DCLK2: variants seen among roughly 807,000 people sequenced by gnomAD.
DCLK2 encodes doublecortin like kinase 2, also known as serine/threonine-protein kinase DCLK2.
In DCLK2, 31 loss-of-function variants were observed where a neutral mutation model predicts 78.4. The observed-to-expected ratio is 0.40, with a 90% CI of 0.30 to 0.53. The LOEUF (loss-of-function observed/expected upper bound fraction) is 0.53. Ranked by LOEUF, DCLK2 falls within the 20% of genes least tolerant of loss-of-function variation. The pLI, the probability that DCLK2 is intolerant of heterozygous loss-of-function variation, is 0.61. For synonymous variants in DCLK2, 407 were observed against 374.9 expected (o/e 1.09, Z -0.99); for missense variants, 872 against 973.7 (o/e 0.90, Z 1.39).
chr4:150,175,992 A>G (rs1418159209), intron 2 of DCLK2, among the ~76,000 whole-genome samples: 2 of 152,188 alleles, frequency 1.3e-5, no homozygotes, highest in Admixed American at 6.5e-5. Flanking sequence ...AAATCGTGTA[A>G]GTTGCCCGAG....
intron 2 of DCLK2, among the ~76,000 whole-genome samples, chr4:150,104,703 G>A (rs1731134478): frequency 6.6e-6 from 1 of 151,714 alleles, no homozygotes; most frequent in Admixed American, 6.6e-5. Flanking sequence ...ATGTTGCAAA[G>A]GCCTTTGATA....
At chr4:150,183,798 A>G (rs2150286171) in intron 2 of DCLK2, among the ~76,000 whole-genome samples, 1 of 151,600 alleles carries the variant, frequency 6.6e-6, no homozygotes, top group East Asian at 1.9e-4. Flanking sequence ...CAGTGGCGCA[A>G]TCTTGGTTCA....
chr4:150,104,577 G>A (rs1032299269), intron 2 of DCLK2, among the ~76,000 whole-genome samples: 13 of 151,916 alleles, frequency 8.6e-5, no homozygotes, highest in Non-Finnish European at 1.6e-4. Flanking sequence ...AAACAATACA[G>A]TGTGATGAAT....
intron 1 of DCLK2, among the ~76,000 whole-genome samples, chr4:150,090,886 T>G (rs542162463): frequency 6.6e-6 from 1 of 152,298 alleles, no homozygotes; most frequent in Non-Finnish European, 1.5e-5. Flanking sequence ...TCTTATTTTG[T>G]GTCCCCAGCC....
At chr4:150,156,280 A>G (rs1195962549) in intron 2 of DCLK2, among the ~76,000 whole-genome samples, 1 of 152,066 alleles carries the variant, frequency 6.6e-6, no homozygotes, top group Non-Finnish European at 1.5e-5. Flanking sequence ...AGAAGGCAGG[A>G]GAAGGTGGAT....
chr4:150,250,123 T>C (rs553475751), intron 15 of DCLK2, among the ~76,000 whole-genome samples: 1 of 152,338 alleles, frequency 6.6e-6, no homozygotes, highest in South Asian at 2.1e-4. Flanking sequence ...CATATTTCAG[T>C]TTTAAAAAAT....
At chr4:150,175,862 C>G (rs973504670) in intron 2 of DCLK2, among the ~76,000 whole-genome samples, 2 of 152,148 alleles carry the variant, frequency 1.3e-5, no homozygotes, top group African/African-American at 4.8e-5. Context: ...TCTCTCCCCT[C>G]TCTGTACCGT....
intron 5 of DCLK2, among the ~76,000 whole-genome samples, chr4:150,217,996 C>A (rs946607530): frequency 6.6e-6 from 1 of 152,218 alleles, no homozygotes; most frequent in Non-Finnish European, 1.5e-5. Context: ...GTTAGGTACA[C>A]TTGAAAGTGG....
chr4:150,202,386 A>T (rs1361550100), intron 4 of DCLK2, among the ~76,000 whole-genome samples: 2 of 152,216 alleles, frequency 1.3e-5, no homozygotes, highest in Non-Finnish European at 2.9e-5. Flanking sequence ...GAGGGTTTTG[A>T]GTCAGAAAAA....
At position 150,102,484 on chromosome 4, in the gene DCLK2, G is replaced by A. The variant is rs1730954546; in HGVS notation, c.428G>A (p.Ser143Asn). The change falls in exon 2 of 16, where the codon AGT becomes AAT. Residue 143 changes from serine to asparagine, a missense_variant. Ser to Asn is a conservative substitution (Grantham distance 46, BLOSUM62 1). Transcript: ENST00000296550. ...ATCAAATTTTGCTTTTTAGGTGAGA[G>A]TTACGTGTGTGCATCCAATGAACCA... is the stretch of plus-strand genomic sequence containing the variant. ...TSLDELLEGE[S>N]YVCASNEPFR... is the part of the protein sequence containing the mutation. 6.2e-7 allele frequency: 1 copy of A among 1,612,364 alleles called. No homozygotes were observed. The highest frequency in any genetic ancestry group is 8.5e-7 in the Non-Finnish European group (1 of 1,178,660).
chr4:150,175,994 TTGCC>T (rs1737064227), intron 2 of DCLK2, among the ~76,000 whole-genome samples: 1 of 152,230 alleles, frequency 6.6e-6, no homozygotes, highest in Non-Finnish European at 1.5e-5. Flanking sequence ...ATCGTGTAAG[TTGCC>T]CGAGGCAACC....
chr4:150,239,478 G>A (rs1439842352), intron 10 of DCLK2, among the ~76,000 whole-genome samples: 1 of 151,986 alleles, frequency 6.6e-6, no homozygotes, highest in Non-Finnish European at 1.5e-5. Flanking sequence ...TGTACCTGTA[G>A]TTCCAGCTAC....
chr4:150,224,504 CA>C lies in DCLK2; in HGVS notation c.1246del (p.Thr416LeufsTer7). On this transcript the variant is annotated frameshift_variant, in exon 8 of 16. Coordinates refer to ENST00000296550, the MANE Select transcript of DCLK2 (RefSeq NM_001040260.4). LOFTEE classifies it high-confidence loss of function. Reference protein sequence around the residue: ...AVVKECIDRSTGKEFALKIID... With the variant: ...AVVKECIDRSXGKEFALKIID... ...TCTTCCTCTGATTATTCCATAGGTCCACTGGAAAGGAGTTTGCCCTAAAGAT... is the reference window on the plus strand; with the variant it reads ...TCTTCCTCTGATTATTCCATAGGTCCCTGGAAAGGAGTTTGCCCTAAAGAT... The C allele has an allele frequency of 6.2e-7, 1 of 1,610,248 alleles. No individual in the cohort carries two copies. Among genetic ancestry groups the C allele is most frequent in the Non-Finnish European group, 8.5e-7 (1 of 1,178,324 alleles).
At chr4:150,088,829 T>C (rs1729833421) in intron 1 of DCLK2, among the ~76,000 whole-genome samples, 1 of 152,192 alleles carries the variant, frequency 6.6e-6, no homozygotes, top group African/African-American at 2.4e-5. Flanking sequence ...CCAGCCCCTT[T>C]CAGCTCTGAT....
intron 14 of DCLK2, among the ~76,000 whole-genome samples, chr4:150,249,349 C>T (rs961435750): frequency 6.6e-6 from 1 of 151,984 alleles, no homozygotes; most frequent in Admixed American, 6.6e-5. Flanking sequence ...TCCTGAGGGG[C>T]AGAGGGAATG....
chr4:150,174,533 G>A (rs945582761), intron 2 of DCLK2, among the ~76,000 whole-genome samples: 2 of 152,088 alleles, frequency 1.3e-5, no homozygotes, highest in Non-Finnish European at 2.9e-5. Flanking sequence ...GTTTAAGAAG[G>A]GGACCTGAGG....
chr4:150,136,926 A>G (rs1052138651), intron 2 of DCLK2, among the ~76,000 whole-genome samples: 8 of 151,404 alleles, frequency 5.3e-5, no homozygotes, highest in African/African-American at 1.9e-4. Context: ...AACCTAGCAT[A>G]TAACTGTAAT....
Position 150,134,237 on chromosome 4 carries a change from C to T in DCLK2, c.756+31425C>T, listed in dbSNP as rs1014904248. ...CTGGGATTACAGGCACCCGCCACTACGCCCAGCTAATTTTTGTATTTTTTA... is the reference window on the plus strand; with the variant it reads ...CTGGGATTACAGGCACCCGCCACTATGCCCAGCTAATTTTTGTATTTTTTA... On this transcript the variant is annotated intron_variant, in intron 2 of 15. Coordinates refer to ENST00000296550, the MANE Select transcript of DCLK2 (RefSeq NM_001040260.4). Among the ~76,000 whole-genome samples the T allele has an allele frequency of 3.3e-5, 5 of 152,000 alleles. No homozygotes were observed. In the East Asian group the frequency reaches 9.7e-4, roughly 29 times the overall value.
At chr4:150,230,078 G>T (rs1741925777) in intron 8 of DCLK2, among the ~76,000 whole-genome samples, 1 of 148,210 alleles carries the variant, frequency 6.7e-6, no homozygotes, top group African/African-American at 2.4e-5. Context: ...GCAAGAGGTT[G>T]AGAAAGGCTA....
Sources: allele counts gnomAD v4.1 joint callset (sites outside exome capture counted in the v4.1 genomes callset), GRCh38; gene constraint gnomAD v4.1.1; transcripts MANE v1.5; gene names NCBI Gene and HGNC (gene_info 2026-07-23, HGNC 2026-07-21).